Variants in ITIH3 observed in about 807,000 individuals in gnomAD.
The protein encoded by ITIH3 is inter-alpha-trypsin inhibitor heavy chain 3, also known as inter-alpha-trypsin inhibitor heavy chain H3.
ITIH3 carries 81 observed loss-of-function variants against 96.5 expected under a neutral mutation model. The ratio of observed to expected loss-of-function variants is 0.84; its 90% CI spans 0.70 to 1.01. The LOEUF (loss-of-function observed/expected upper bound fraction) is 1.01. ITIH3 is among the 50% of genes least tolerant of loss of function. ITIH3 has a pLI of 0.00. For missense variants in ITIH3, 1,057 were observed against 1,139.3 expected, an observed-to-expected ratio of 0.93 and a Z score of 1.04; for synonymous variants, 422 against 445.2, an observed-to-expected ratio of 0.95 and a Z score of 0.66.
At position 52,799,402 on chromosome 3, in the gene ITIH3, G is replaced by C; in HGVS notation, c.820G>C (p.Ala274Pro). ...IVNGYFVHFF[A>P]PQGLPVVPKN... ...CAATGGCTACTTCGTGCACTTCTTT[G>C]CACCTCAAGGCCTTCCAGTGGTGCC... The change falls in exon 8 of 22, where the codon GCA becomes CCA. Residue 274 changes from alanine (A) to proline (P), a missense_variant. Physicochemically the swap from Ala to Pro is conservative, Grantham distance 27 (BLOSUM62 -1). Coordinates refer to ENST00000449956, the MANE Select transcript of ITIH3 (RefSeq NM_002217.4). 1 of 1,607,872 alleles carries C rather than the reference G, an allele frequency of 6.2e-7. No homozygotes were observed.
intron 13 of ITIH3, among the ~76,000 whole-genome samples, chr3:52,803,378 G>A (rs1699918515): frequency 6.7e-6 from 1 of 150,112 alleles, no homozygotes; most frequent in Non-Finnish European, 1.5e-5. Context: ...GAGTGCAGTG[G>A]CGGGATCTCG....
Position 52,796,506 on chromosome 3 carries a change from G to C in ITIH3, c.140G>C (p.Ser47Thr). 1 of 1,612,976 alleles carries C rather than the reference G, an allele frequency of 6.2e-7. No individual in the cohort carries two copies. Among genetic ancestry groups the C allele is most frequent in the Non-Finnish European group, 8.5e-7 (1 of 1,179,786 alleles). The part of the protein sequence containing the change: ...EGVANGIEVY[S>T]TKINSKVTSR... The stretch of plus-strand genomic sequence containing the variant: ...GTGGCCAATGGCATCGAGGTCTACA[G>C]TACCAAAATCAACTCCAAGGTGACC... Residue 47 changes from serine to threonine, a missense_variant, in exon 3 of 22, where the codon AGT becomes ACT. By Grantham distance (58) the Ser-to-Thr change is moderately conservative. Transcript: ENST00000449956.
chr3:52,798,864 T>G, intron 6 of ITIH3, 102 bp from the exon 7 acceptor site: 1 of 1,439,220 alleles, frequency 6.9e-7, no homozygotes, highest in Non-Finnish European at 9.5e-7. Flanking sequence ...CAAGGGCTCC[T>G]CCCTGTGAGG....
intron 1 of ITIH3, 47 bp downstream of exon 1, chr3:52,794,943 C>A (rs1470710437): frequency 2.8e-6 from 4 of 1,443,480 alleles, no homozygotes; most frequent in Non-Finnish European, 2.9e-6. Context: ...GTGGAATGGG[C>A]AGAAGGCATC....
chr3:52,806,965 G>T lies in ITIH3; in HGVS notation c.2121G>T (p.Lys707Asn), dbSNP rs1431146990. The T allele has an allele frequency of 1.3e-6, 2 of 1,594,476 alleles. No individual in the cohort carries two copies. The highest frequency in any genetic ancestry group is 1.7e-6 in the Non-Finnish European group (2 of 1,170,640). The change falls in exon 19 of 22, where the codon AAG becomes AAT. Residue 707 changes from lysine (K) to asparagine (N), a missense_variant. By Grantham distance (94) the Lys-to-Asn change is moderately conservative. Transcript: ENST00000449956. Reference protein sequence around the residue: ...KRGSPDSKTRKTYFGKLGIAN... With the variant: ...KRGSPDSKTRNTYFGKLGIAN... ...GCAGCCCTGACTCCAAGACCAGAAAGACTTACTTTGGAAAACTGGGCATCG... is the reference window on the plus strand; with the variant it reads ...GCAGCCCTGACTCCAAGACCAGAAATACTTACTTTGGAAAACTGGGCATCG...
chr3:52,797,731 C>A, intron 5 of ITIH3, 86 bp from the exon 6 acceptor site: 1 of 817,184 alleles, frequency 1.2e-6, no homozygotes. Flanking sequence ...TGCATCACCA[C>A]AGACCCATCT....
chr3:52,806,855 T>G, intron 18 of ITIH3, 46 bp from the exon 19 acceptor site: 1 of 1,502,608 alleles, frequency 6.7e-7, no homozygotes, highest in Non-Finnish European at 9.1e-7. Flanking sequence ...CAATCTGGAC[T>G]CAGAAGTTCT....
chr3:52,804,409 C>A (rs894443914), intron 14 of ITIH3: 1 of 438,786 alleles, frequency 2.3e-6, no homozygotes. Context: ...GAGGCTGGGA[C>A]CCCCTCAACC....
chr3:52,795,454 G>A, intron 1 of ITIH3, 149 bp from the exon 2 acceptor site: 1 of 738,646 alleles, frequency 1.4e-6, no homozygotes, highest in South Asian at 1.9e-5. Flanking sequence ...ATGTGGCTCT[G>A]GAGGGTCCTA....
intron 15 of ITIH3, chr3:52,805,233 C>G: frequency 1.1e-6 from 1 of 933,228 alleles, no homozygotes. Flanking sequence ...CACCACAAAA[C>G]TGGAACCTCA....
rs1293001112 is a variant in ITIH3 at position 52,799,359 on chromosome 3, C to G, written c.790-13C>G. ...AAAGGACACCGGCCTCCGTCCCTCT[C>G]CCCACTTTCCAGATAGTCAATGGCT... On this transcript the variant is annotated splice_polypyrimidine_tract_variant and intron_variant, in intron 7 of 21. Transcript: ENST00000449956. The G allele has an allele frequency of 1.3e-6, 2 of 1,571,066 alleles. No homozygotes were observed. Among genetic ancestry groups the G allele is most frequent in the Admixed American group, 3.7e-5 (2 of 53,690 alleles).
chr3:52,805,831 T>C lies in ITIH3; in HGVS notation c.1897T>C (p.Ser633Pro). 1.2e-6 allele frequency: 2 copies of C among 1,613,828 alleles called. No homozygotes were observed. The highest frequency in any genetic ancestry group is 1.7e-6 in the Non-Finnish European group (2 of 1,179,800). The part of the protein sequence containing the change: ...AEATPVSPAM[S>P]YLTSYQPPQN... ...AGCCACACCGGTGAGCCCCGCCATG[T>C]CCTACCTGAGTGAGTACATGCTGGC... Residue 633 changes from serine to proline, a missense_variant, in exon 16 of 22, where the codon TCC becomes CCC. Transcript: ENST00000449956.
intron 10 of ITIH3, 67 bp from the exon 11 acceptor site, chr3:52,800,898 C>T: frequency 6.3e-7 from 1 of 1,594,408 alleles, no homozygotes; most frequent in Non-Finnish European, 8.6e-7. Flanking sequence ...CCGGTCTCCC[C>T]AGACAGAGCT....
chr3:52,807,609 C>G (rs141801574), intron 19 of ITIH3, 138 bp from the exon 20 acceptor site: 9 of 726,272 alleles, frequency 1.2e-5, no homozygotes, highest in African/African-American at 1.1e-4. Flanking sequence ...CTCTTTCCAA[C>G]GCCCCTGAGA....
At chr3:52,800,756 C>A in intron 10 of ITIH3, 93 bp downstream of exon 10, 1 of 1,527,434 alleles carries the variant, frequency 6.5e-7, no homozygotes, top group Non-Finnish European at 8.9e-7. Context: ...CCTGGGGCAG[C>A]TCTTCCCTGG....
In ITIH3 at chr3:52,803,893, C is replaced by T; in HGVS notation, c.1748C>T (p.Ala583Val). ...AHGEEKENLTARALDLSLKYH... is the reference protein window; with the variant it reads ...AHGEEKENLTVRALDLSLKYH... ...GGCGAGGAGAAGGAGAACCTCACGGCCCGGGCCCTGGACCTGTCCCTCAAG... is the reference window on the plus strand; with the variant it reads ...GGCGAGGAGAAGGAGAACCTCACGGTCCGGGCCCTGGACCTGTCCCTCAAG... The change falls in exon 14 of 22, where the codon GCC becomes GTC. Residue 583 changes from alanine to valine, a missense_variant. Transcript: ENST00000449956. 1.2e-6 allele frequency: 2 copies of T among 1,614,028 alleles called. No individual in the cohort carries two copies. Among genetic ancestry groups the T allele is most frequent in the Middle Eastern group, 1.6e-4 (1 of 6,062 alleles).
In ITIH3 at chr3:52,805,481, C is replaced by A. The variant is rs372696914; in HGVS notation, c.1874-327C>A. ...CAGCCGTGAGCCTCACTCACCCCAA[C>A]TAGGGGGTGGGAAGCCCAGGGGTGG... is the stretch of plus-strand genomic sequence containing the variant. On this transcript the variant is annotated intron_variant, in intron 15 of 21. Coordinates refer to ENST00000449956, the MANE Select transcript of ITIH3 (RefSeq NM_002217.4). 1.0e-4 allele frequency: 115 copies of A among 1,131,962 alleles called. 1 individual carries two copies. In the Middle Eastern group the frequency reaches 1.8e-3, roughly 18 times the overall value. The allele number at this position is 1,131,962 out of a possible 1,614,324, so 70.1% of individuals were successfully genotyped here.
At chr3:52,796,867 G>T in intron 4 of ITIH3, 24 bp downstream of exon 4, 2 of 1,506,778 alleles carry the variant, frequency 1.3e-6, no homozygotes, top group East Asian at 2.3e-5. Flanking sequence ...CCCAGGCCTT[G>T]GGGAGAATGT....
chr3:52,799,542 ATTT>A, intron 8 of ITIH3, 54 bp downstream of exon 8: 1 of 1,097,812 alleles, frequency 9.1e-7, no homozygotes, highest in Non-Finnish European at 1.3e-6. Context: ...GGTGGAAGAG[ATTT>A]TTTTTTTTAA....
Sources: gnomAD v4.1 joint callset for allele counts (sites outside exome capture counted in the v4.1 genomes callset) on GRCh38, gnomAD v4.1.1 for gene constraint, MANE v1.5 for transcripts, NCBI Gene and HGNC (gene_info 2026-07-23, HGNC 2026-07-21) for gene names.